The following DENND2B variants were observed in gnomAD, a reference collection of about 807,000 sequenced individuals.
DENND2B encodes DENN domain containing 2B, also known as DENN domain-containing protein 2B.
A neutral mutation model predicts 116.0 loss-of-function variants in DENND2B; 32 were observed. The ratio of observed to expected loss-of-function variants is 0.28; its 90% CI spans 0.21 to 0.37. The LOEUF (loss-of-function observed/expected upper bound fraction) is 0.37. Ranked by LOEUF, DENND2B falls within the 10% of genes least tolerant of loss-of-function variation. The pLI, the probability that DENND2B is intolerant of heterozygous loss-of-function variation, is 1.00. For synonymous variants in DENND2B, 588 were observed against 583.9 expected (o/e 1.01, Z -0.10); for missense variants, 1,276 against 1,477.7 (o/e 0.86, Z 2.24).
At chr11:8,802,629 G>T (rs768362223) in intron 1 of DENND2B, among the ~76,000 whole-genome samples, 1 of 152,136 alleles carries the variant, frequency 6.6e-6, no homozygotes, top group Admixed American at 6.5e-5. Flanking sequence ...ACAGATTTGC[G>T]TCTGGGCACT....
chr11:8,847,366 A>G (rs1360654814), intron 3 of DENND2B, among the ~76,000 whole-genome samples: 1 of 152,248 alleles, frequency 6.6e-6, no homozygotes, highest in Non-Finnish European at 1.5e-5. Context: ...TACACTCGCC[A>G]TTACAAAATT....
chr11:8,877,100 C>CTT (rs71059191), intron 2 of DENND2B, among the ~76,000 whole-genome samples: 1,958 of 93,012 alleles, frequency 0.021, 158 homozygotes, highest in African/African-American at 0.048. Context: ...CTTGAAGATA[C>CTT]TTTTTTTTTT....
intron 4 of DENND2B, among the ~76,000 whole-genome samples, chr11:8,821,804 GT>G (rs1371286443): frequency 2.0e-5 from 3 of 151,884 alleles, no homozygotes; most frequent in African/African-American, 4.8e-5. Flanking sequence ...GTTTTGTTTT[GT>G]TTTTGAAACA....
rs565901249 is a variant in DENND2B at position 8,711,700 on chromosome 11, G to A, written c.2173-469C>T. 1.3e-3 allele frequency among the ~76,000 whole-genome samples: 199 copies of A among 151,992 alleles called. 1 individual carries two copies. The highest frequency in any genetic ancestry group is 2.2e-3 in the Non-Finnish European group (148 of 67,942). The stretch of plus-strand genomic sequence containing the variant: ...CTGACCAACATGGAGAAACCCCATC[G>A]CTACTAAAAATACAAAATTAGCCAG... On this transcript the variant is annotated intron_variant, in intron 9 of 19. Transcript: ENST00000313726.
chr11:8,830,972 C>T (rs2062182397), intron 4 of DENND2B: 1 of 152,318 alleles, frequency 6.6e-6, no homozygotes, highest in Admixed American at 6.5e-5. Context: ...TACCTGGGCC[C>T]TGGAGGGAAA....
intron 4 of DENND2B, among the ~76,000 whole-genome samples, chr11:8,720,716 T>C (rs2046009014): frequency 6.6e-6 from 1 of 152,150 alleles, no homozygotes; most frequent in Non-Finnish European, 1.5e-5. Flanking sequence ...ATTCTCCCAG[T>C]CATCTCTCCA....
chr11:8,813,787 G>A (rs943484195), upstream of DENND2B, among the ~76,000 whole-genome samples: 3 of 152,152 alleles, frequency 2.0e-5, no homozygotes, highest in Non-Finnish European at 4.4e-5. Context: ...TGGAGTTATG[G>A]AGGTTCCTTA....
At position 8,710,854 on chromosome 11, in the gene DENND2B, C is replaced by G; in HGVS notation, c.2343G>C (p.Arg781Ser). 1 of 1,614,012 alleles carries G rather than the reference C, an allele frequency of 6.2e-7. No homozygotes were observed. ...EDGSRRFGYC[R>S]RLLPSGKGPR... ...GAATGGCCTCACTCACCAGTAAGCGCCTGCAGTAGCCAAAGCGTCTGCTGC... is the reference window on the plus strand; with the variant it reads ...GAATGGCCTCACTCACCAGTAAGCGGCTGCAGTAGCCAAAGCGTCTGCTGC... The change falls in exon 11 of 20, where the codon AGG becomes AGC. Residue 781 changes from arginine (R) to serine (S), a missense_variant. By Grantham distance (110) the Arg-to-Ser change is moderately radical. This residue lies in a region of DENND2B where 420 missense variants were observed against 631.1 expected (regional missense o/e 0.67). Transcript: ENST00000313726.
At chr11:8,719,093 G>A in intron 4 of DENND2B, 1 of 985,494 alleles carries the variant, frequency 1.0e-6, no homozygotes. Context: ...GTCTGAATGT[G>A]CCTTACGCCC....
intron 3 of DENND2B, among the ~76,000 whole-genome samples, chr11:8,855,693 T>G (rs1277454762): frequency 6.6e-6 from 1 of 152,040 alleles, no homozygotes; most frequent in Admixed American, 6.6e-5. Flanking sequence ...CTGGAAGGGT[T>G]TCTAACTTTA....
intron 1 of DENND2B, chr11:8,794,824 C>G (rs2059674853): frequency 1.3e-5 from 2 of 152,406 alleles, no homozygotes; most frequent in Middle Eastern, 3.4e-3. Flanking sequence ...GCACTGAGGC[C>G]TGGGGAAGTG....
chr11:8,858,541 G>T (rs1424680245), intron 2 of DENND2B, among the ~76,000 whole-genome samples: 1 of 152,154 alleles, frequency 6.6e-6, no homozygotes, highest in Non-Finnish European at 1.5e-5. Context: ...TGAGACAGAA[G>T]AGATGGGAGG....
intron 2 of DENND2B, among the ~76,000 whole-genome samples, chr11:8,747,492 T>A (rs1356804224): frequency 6.6e-6 from 1 of 152,162 alleles, no homozygotes; most frequent in African/African-American, 2.4e-5. Context: ...ATACTTCCTT[T>A]TTTGCAAGTT....
At chr11:8,877,699 C>A (rs2063859139) in intron 2 of DENND2B, among the ~76,000 whole-genome samples, 1 of 152,148 alleles carries the variant, frequency 6.6e-6, no homozygotes, top group Admixed American at 6.5e-5. Context: ...TCCCTGAAAC[C>A]AGACTTGTGA....
At chr11:8,710,957 C>T in intron 10 of DENND2B, 43 bp from the exon 11 acceptor site, 2 of 1,609,288 alleles carry the variant, frequency 1.2e-6, no homozygotes, top group Non-Finnish European at 8.5e-7. Flanking sequence ...TGTGAGAGGA[C>T]CTAGGAAACA....
At chr11:8,872,502 A>AAT (rs71059190), upstream of DENND2B, among the ~76,000 whole-genome samples, 1 of 151,344 alleles carries the variant, frequency 6.6e-6, no homozygotes, top group African/African-American at 2.4e-5. Flanking sequence ...AAAAAAAAAA[A>AAT]GAAAAAAAAA....
intron 11 of DENND2B, among the ~76,000 whole-genome samples, chr11:8,708,922 A>G (rs921858479): frequency 4.0e-5 from 6 of 151,388 alleles, no homozygotes; most frequent in Non-Finnish European, 7.4e-5. Flanking sequence ...TTGTACTTCC[A>G]GCCTGGGCAA....
chr11:8,696,172 C>A (rs889450921), intron 18 of DENND2B, among the ~76,000 whole-genome samples: 1 of 152,152 alleles, frequency 6.6e-6, no homozygotes, highest in Admixed American at 6.5e-5. Flanking sequence ...AGGGGGTGGG[C>A]AACCAATGGC....
chr11:8,762,357 C>T (rs1032013492), intron 1 of DENND2B, among the ~76,000 whole-genome samples: 1 of 152,190 alleles, frequency 6.6e-6, no homozygotes, highest in Non-Finnish European at 1.5e-5. Flanking sequence ...GTAAGTAGAA[C>T]TGCCCTCCCT....
Sources: gnomAD v4.1 joint callset for allele counts (sites outside exome capture counted in the v4.1 genomes callset) on GRCh38, gnomAD v4.1.1 for gene constraint, gnomAD v4.1.1 regional missense constraint, MANE v1.5 for transcripts, NCBI Gene and HGNC (gene_info 2026-07-23, HGNC 2026-07-21) for gene names.